The following CDH13 variants were observed in gnomAD, a reference collection of about 807,000 sequenced individuals.
CDH13 encodes the protein cadherin 13.
Under a neutral mutation model 63.8 loss-of-function variants are expected in CDH13, and 24 were observed. The observed-to-expected ratio is 0.38, with a 90% CI of 0.27 to 0.53. The LOEUF is 0.53. CDH13 is among the 20% of genes least tolerant of loss of function. The probability of loss-of-function intolerance (pLI) is 0.85; values close to 1 mark genes in which losing one functional copy is unlikely to be tolerated. For synonymous variants in CDH13, 503 were observed against 355.3 expected (o/e 1.42, Z -4.67); for missense variants, 1,049 against 903.1 (o/e 1.16, Z -2.07).
At chr16:82,729,405 A>G (rs1303664815) in intron 1 of CDH13, among the ~76,000 whole-genome samples, 3 of 152,196 alleles carry the variant, frequency 2.0e-5, no homozygotes, top group African/African-American at 4.8e-5. Context: ...ATTAACAGGC[A>G]TGAAAAAACT....
chr16:82,672,086 A>G (rs530569742), intron 1 of CDH13, among the ~76,000 whole-genome samples: 27 of 152,298 alleles, frequency 1.8e-4, no homozygotes, highest in Non-Finnish European at 3.2e-4. Context: ...GAAGTTAACA[A>G]CGCAGTCTTT....
intron 4 of CDH13, among the ~76,000 whole-genome samples, chr16:83,151,131 G>C (rs990853988): frequency 6.6e-6 from 1 of 152,150 alleles, no homozygotes; most frequent in Non-Finnish European, 1.5e-5. Flanking sequence ...ATCAGGTACT[G>C]CTTCATTCCA....
intron 5 of CDH13, among the ~76,000 whole-genome samples, chr16:83,325,031 C>G (rs1344354031): frequency 6.6e-6 from 1 of 152,178 alleles, no homozygotes; most frequent in Non-Finnish European, 1.5e-5. Context: ...CTAAGGCTGT[C>G]TCCCTCCTCT....
chr16:83,141,864 G>A (rs534987756), intron 4 of CDH13, among the ~76,000 whole-genome samples: 18 of 152,272 alleles, frequency 1.2e-4, no homozygotes, highest in Admixed American at 4.6e-4. Context: ...TTTTATGGCT[G>A]CATAGTATTC....
chr16:82,898,041 G>C (rs940894547), intron 2 of CDH13, among the ~76,000 whole-genome samples: 4 of 152,074 alleles, frequency 2.6e-5, no homozygotes, highest in African/African-American at 7.2e-5. Context: ...GATGTGTTGT[G>C]AATATAAAAC....
In CDH13 at chr16:83,800,152, G is replaced by C. The variant is rs776548990; in HGVS notation, c.*5122G>C. The C allele has an allele frequency of 1.2e-4, 19 of 152,158 alleles. No homozygotes were observed. The highest frequency in any genetic ancestry group is 2.2e-4 in the Non-Finnish European group (15 of 68,032). The allele number at this position is 152,158 out of a possible 1,614,324, so 9.4% of individuals were successfully genotyped here. ...TGGTAGGGAGATGGTGAAAAGCGTTGGGTGGTGTAGGACGAGGGAGGTTTT... is the reference window on the plus strand; with the variant it reads ...TGGTAGGGAGATGGTGAAAAGCGTTCGGTGGTGTAGGACGAGGGAGGTTTT... On this transcript the variant is annotated 3_prime_UTR_variant, in exon 14 of 14. Coordinates refer to ENST00000567109, the MANE Select transcript of CDH13 (RefSeq NM_001257.5).
chr16:83,395,941 C>G (rs2091879033), intron 6 of CDH13, among the ~76,000 whole-genome samples: 1 of 152,110 alleles, frequency 6.6e-6, no homozygotes, highest in African/African-American at 2.4e-5. Context: ...TTTCCTGATC[C>G]TCTCCCTCCT....
At chr16:83,055,537 A>T (rs1307543106) in intron 3 of CDH13, among the ~76,000 whole-genome samples, 2 of 151,794 alleles carry the variant, frequency 1.3e-5, no homozygotes, top group Admixed American at 6.6e-5. Flanking sequence ...ATAAATAAAA[A>T]ATCAGTGTAC....
chr16:82,945,245 T>C (rs1446896761), intron 2 of CDH13, among the ~76,000 whole-genome samples: 1 of 152,206 alleles, frequency 6.6e-6, no homozygotes, highest in Non-Finnish European at 1.5e-5. Flanking sequence ...TGTGCCCGTG[T>C]AGTCCCCAAA....
chr16:82,964,508 A>G (rs948298485), intron 2 of CDH13, among the ~76,000 whole-genome samples: 3 of 152,226 alleles, frequency 2.0e-5, no homozygotes, highest in Non-Finnish European at 4.4e-5. Flanking sequence ...GATAAGGGCC[A>G]CACAGGTTTT....
At chr16:83,244,771 A>C (rs1042536272) in intron 5 of CDH13, among the ~76,000 whole-genome samples, 40 of 152,196 alleles carry the variant, frequency 2.6e-4, no homozygotes, top group African/African-American at 9.7e-4. Flanking sequence ...CACGGGACAC[A>C]CTTAATTCCC....
rs1567715304 is a variant in CDH13 at position 83,500,305 on chromosome 16, TCTCCTTCTCCTTCTC to T, written c.960+13656_960+13670del. Among the ~76,000 whole-genome samples the T allele has an allele frequency of 2.4e-3, 2 of 826 alleles. 1 individual carries two copies. Among genetic ancestry groups the T allele is most frequent in the African/African-American group, 2.8e-3 (2 of 704 alleles). 0.5% of individuals were successfully genotyped at this position (826 alleles called of 152,430 possible). On this transcript the variant is annotated intron_variant, in intron 7 of 13. Coordinates refer to ENST00000567109, the MANE Select transcript of CDH13 (RefSeq NM_001257.5). ...TTCTTCTTCTTCTTCTCCTTCTCCT[TCTCCTTCTCCTTCTC>T]CTCCTCCTCCTCCTCCTCCTCCTCC...
At chr16:82,670,647 A>T (rs1049838611) in intron 1 of CDH13, among the ~76,000 whole-genome samples, 1 of 152,320 alleles carries the variant, frequency 6.6e-6, no homozygotes, top group Non-Finnish European at 1.5e-5. Flanking sequence ...AGGCATTTGC[A>T]ATGTTCAGAG....
At chr16:82,935,023 C>T (rs572169695) in intron 2 of CDH13, among the ~76,000 whole-genome samples, 6 of 152,326 alleles carry the variant, frequency 3.9e-5, no homozygotes, top group Non-Finnish European at 8.8e-5. Context: ...CAGCACCCCG[C>T]TCCCTCGGTA....
intron 3 of CDH13, among the ~76,000 whole-genome samples, chr16:83,045,365 G>T (rs556965948): frequency 6.6e-6 from 1 of 152,210 alleles, no homozygotes; most frequent in Admixed American, 6.5e-5. Context: ...TTGGCTGGGG[G>T]CGATGGCTCA....
At chr16:82,736,068 C>T (rs1241362747) in intron 1 of CDH13, among the ~76,000 whole-genome samples, 2 of 152,194 alleles carry the variant, frequency 1.3e-5, no homozygotes, top group African/African-American at 4.8e-5. Context: ...ACCTGAAGTG[C>T]ATAAGAAATT....
At chr16:83,030,714 C>T (rs1007749932) in intron 2 of CDH13, among the ~76,000 whole-genome samples, 2 of 150,770 alleles carry the variant, frequency 1.3e-5, no homozygotes, top group African/African-American at 4.9e-5. Context: ...CACTCCTCTT[C>T]ACTGGAAGCA....
chr16:83,367,900 A>T (rs968837018), intron 6 of CDH13, among the ~76,000 whole-genome samples: 2 of 152,192 alleles, frequency 1.3e-5, no homozygotes, highest in Non-Finnish European at 2.9e-5. Context: ...AACAATATTG[A>T]GTCTTCCCAT....
intron 5 of CDH13, among the ~76,000 whole-genome samples, chr16:83,253,376 C>T (rs569941380): frequency 2.0e-5 from 3 of 152,284 alleles, no homozygotes; most frequent in African/African-American, 7.2e-5. Context: ...TAGAAAGCCG[C>T]CTCAACTGCC....
Sources: allele counts gnomAD v4.1 joint callset (sites outside exome capture counted in the v4.1 genomes callset), GRCh38; gene constraint gnomAD v4.1.1; transcripts MANE v1.5; gene names NCBI Gene and HGNC (gene_info 2026-07-23, HGNC 2026-07-21).